The following CFAP44 variants were observed in gnomAD, a reference collection of about 807,000 sequenced individuals.
CFAP44 encodes cilia and flagella associated protein 44.
CFAP44 carries 134 observed loss-of-function variants against 216.2 expected under a neutral mutation model. That is an observed-to-expected ratio of 0.62 (90% CI 0.54 to 0.72). The LOEUF (loss-of-function observed/expected upper bound fraction) is 0.72. Ranked by LOEUF, CFAP44 falls within the 30% of genes least tolerant of loss-of-function variation. The pLI, the probability that CFAP44 is intolerant of heterozygous loss-of-function variation, is 0.00. For missense variants in CFAP44, 2,035 were observed against 2,182.1 expected, an observed-to-expected ratio of 0.93 and a Z score of 1.34; for synonymous variants, 700 against 727.6, an observed-to-expected ratio of 0.96 and a Z score of 0.61.
chr3:113,305,018 C>G lies in CFAP44; in HGVS notation c.4875+18G>C. The G allele has an allele frequency of 1.3e-6, 2 of 1,535,104 alleles. No homozygotes were observed. The highest frequency in any genetic ancestry group is 1.7e-6 in the Non-Finnish European group (2 of 1,145,180). ...ACTCTTCTCGGACAGGATGGAGCAG[C>G]CTCCCCAGACGCATCACCTGGTGGA... On this transcript the variant is annotated intron_variant, in intron 31 of 34. Coordinates refer to ENST00000393845, the MANE Select transcript of CFAP44 (RefSeq NM_001164496.2).
Position 113,288,913 on chromosome 3 carries a change from A to G in CFAP44, c.*2644T>C, listed in dbSNP as rs1453682840. 1.3e-5 allele frequency: 2 copies of G among 152,198 alleles called. No individual in the cohort carries two copies. Among genetic ancestry groups the G allele is most frequent in the East Asian group, 1.9e-4 (1 of 5,188 alleles). The allele number at this position is 152,198 out of a possible 1,614,324, so 9.4% of individuals were successfully genotyped here. A position where few individuals can be genotyped will look rare whatever the true frequency, so the allele number is the denominator to read the frequency against. On this transcript the variant is annotated 3_prime_UTR_variant, in exon 35 of 35. Coordinates refer to ENST00000393845, the MANE Select transcript of CFAP44 (RefSeq NM_001164496.2). The stretch of plus-strand genomic sequence containing the variant: ...GCTGAGATTGATCATCGGTGATACT[A>G]TGGATGACAGTTCAGAAGAGCCAAG...
intron 1 of CFAP44, among the ~76,000 whole-genome samples, chr3:113,437,812 T>G (rs930123934): frequency 7.2e-5 from 11 of 152,164 alleles, no homozygotes; most frequent in African/African-American, 2.4e-4. Context: ...TTGTTTGTTT[T>G]GTTTTAATAA....
At chr3:113,427,409 C>T in intron 2 of CFAP44, 70 bp from the exon 3 acceptor site, 1 of 1,223,182 alleles carries the variant, frequency 8.2e-7, no homozygotes, top group Non-Finnish European at 1.1e-6. Context: ...GTAGCTAAAA[C>T]TTCCAATTTC....
chr3:113,425,777 T>C (rs1047911420), intron 4 of CFAP44, among the ~76,000 whole-genome samples: 1 of 152,202 alleles, frequency 6.6e-6, no homozygotes, highest in Non-Finnish European at 1.5e-5. Context: ...AACAAAAGCT[T>C]AGTTTAAATT....
chr3:113,335,823 G>T (rs2107814859), intron 24 of CFAP44, among the ~76,000 whole-genome samples: 1 of 152,296 alleles, frequency 6.6e-6, no homozygotes, highest in South Asian at 2.1e-4. Flanking sequence ...TACGTAGATA[G>T]ACTGTATATG....
intron 6 of CFAP44, among the ~76,000 whole-genome samples, chr3:113,415,004 G>C (rs1576599627): frequency 6.8e-6 from 1 of 147,426 alleles, no homozygotes; most frequent in Non-Finnish European, 1.5e-5. Flanking sequence ...AGTTTTTTTT[G>C]GTTGGTAGGC....
At position 113,412,944 on chromosome 3, in the gene CFAP44, G is replaced by A. The variant is rs527759256; in HGVS notation, c.673+3581C>T. Among the ~76,000 whole-genome samples the A allele has an allele frequency of 7.2e-4, 109 of 152,254 alleles. 1 individual carries two copies. Among genetic ancestry groups the A allele is most frequent in the African/African-American group, 2.5e-3 (103 of 41,566 alleles). ...TCTGGTTGTAGATCCTTGAGGAATC[G>A]CCATACTGTCTTCAACAATGGTTGA... On this transcript the variant is annotated intron_variant, in intron 6 of 34. Transcript: ENST00000393845.
rs1235711615 is a variant in CFAP44, at chr3:113,409,329, G to A, written c.674-7C>T. ...TATCCCTTCTCAGTCCCATCTGGAAGGATAAATGGAAGCCTAATAAATAAG... is the reference window on the plus strand; with the variant it reads ...TATCCCTTCTCAGTCCCATCTGGAAAGATAAATGGAAGCCTAATAAATAAG... On this transcript the variant is annotated splice_polypyrimidine_tract_variant and splice_region_variant and intron_variant, in intron 6 of 34. Transcript: ENST00000393845. 7 of 1,610,214 alleles carry A rather than the reference G, an allele frequency of 4.3e-6. No homozygotes were observed. The South Asian group carries it at 5.5e-5, about 13-fold the overall frequency.
Position 113,400,603 on chromosome 3 carries a change from A to G in CFAP44, c.1416T>C (p.Ala472=). The change falls in exon 12 of 35, where the codon GCT becomes GCC. Residue 472 remains alanine (A), a synonymous_variant. Coordinates refer to ENST00000393845, the MANE Select transcript of CFAP44 (RefSeq NM_001164496.2). ...GAGGAGAAACAGCCACGGCTTCAATAGCTCCAGAATGGAAGGAGAAGAGGC... is the reference window on the plus strand; with the variant it reads ...GAGGAGAAACAGCCACGGCTTCAATGGCTCCAGAATGGAAGGAGAAGAGGC... ...PECLFSFHSG[A]IEAVAVSPLT... is the part of the protein sequence containing the mutation. 1 of 1,611,320 alleles carries G rather than the reference A, an allele frequency of 6.2e-7. No individual in the cohort carries two copies. Among genetic ancestry groups the G allele is most frequent in the South Asian group, 1.1e-5 (1 of 90,774 alleles).
At position 113,330,670 on chromosome 3, in the gene CFAP44, T is replaced by C; in HGVS notation, c.3616-2A>G. On this transcript the variant is annotated splice_acceptor_variant, in intron 25 of 34. Transcript: ENST00000393845. LOFTEE classifies it high-confidence loss of function. ...CATGTGCCTTTTATTTCCATGGACC[T>C]GAAAAAAAGAAGAGGAAGGAAACAA... 1 of 1,522,838 alleles carries C rather than the reference T, an allele frequency of 6.6e-7. No individual in the cohort carries two copies. The highest frequency in any genetic ancestry group is 8.8e-7 in the Non-Finnish European group (1 of 1,142,004). 94.3% of individuals were successfully genotyped at this position (1,522,838 alleles called of 1,614,324 possible). A position where few individuals can be genotyped will look rare whatever the true frequency, so the allele number is the denominator to read the frequency against.
chr3:113,345,899 T>C (rs1384778867), intron 22 of CFAP44, among the ~76,000 whole-genome samples: 3 of 152,252 alleles, frequency 2.0e-5, no homozygotes, highest in Admixed American at 6.5e-5. Flanking sequence ...CTATTTCTTT[T>C]TAATTTTCCC....
chr3:113,327,562 A>G (rs1449363192), intron 27 of CFAP44, 54 bp downstream of exon 27: 1 of 1,442,910 alleles, frequency 6.9e-7, no homozygotes. Flanking sequence ...AAAGAAATCA[A>G]GTTTCTCCAT....
intron 24 of CFAP44, among the ~76,000 whole-genome samples, chr3:113,336,357 A>G (rs1189824797): frequency 6.6e-6 from 1 of 152,054 alleles, no homozygotes; most frequent in Non-Finnish European, 1.5e-5. Flanking sequence ...ATGAAAATTA[A>G]CAATATAAAT....
At chr3:113,316,466 A>T (rs886526513) in intron 28 of CFAP44, among the ~76,000 whole-genome samples, 2 of 152,220 alleles carry the variant, frequency 1.3e-5, no homozygotes, top group Non-Finnish European at 2.9e-5. Context: ...TTAAAAGGAG[A>T]AAAACAATAA....
chr3:113,340,640 G>A (rs188400583), intron 24 of CFAP44, among the ~76,000 whole-genome samples: 5 of 152,326 alleles, frequency 3.3e-5, no homozygotes, highest in Admixed American at 1.3e-4. Context: ...CAGGCTGTGG[G>A]GCTCCGACCC....
At chr3:113,432,037 G>A (rs1466754097) in intron 2 of CFAP44, 1 of 152,100 alleles carries the variant, frequency 6.6e-6, no homozygotes, top group Non-Finnish European at 1.5e-5. Context: ...GAAAATTGAG[G>A]CTCAGAAAGA....
chr3:113,304,157 C>T (rs1471335819), intron 31 of CFAP44, 40 bp from the exon 32 acceptor site: 1 of 1,520,448 alleles, frequency 6.6e-7, no homozygotes, highest in Admixed American at 2.0e-5. Context: ...TAGACAAAAA[C>T]ACAGATTTTG....
At chr3:113,348,653 C>T (rs1387641489) in intron 22 of CFAP44, among the ~76,000 whole-genome samples, 1 of 152,086 alleles carries the variant, frequency 6.6e-6, no homozygotes, top group Non-Finnish European at 1.5e-5. Context: ...AGGAAATAAG[C>T]AAAGAAATCT....
intron 28 of CFAP44, among the ~76,000 whole-genome samples, chr3:113,325,761 T>C (rs984940016): frequency 6.6e-6 from 1 of 152,138 alleles, no homozygotes; most frequent in African/African-American, 2.4e-5. Flanking sequence ...TACAACAATT[T>C]TACAAAAGAA....
Sources: gnomAD v4.1 joint callset for allele counts (sites outside exome capture counted in the v4.1 genomes callset) on GRCh38, gnomAD v4.1.1 for gene constraint, MANE v1.5 for transcripts, NCBI Gene and HGNC (gene_info 2026-07-23, HGNC 2026-07-21) for gene names.